The following FKBP1B variants were observed in gnomAD, a reference collection of about 807,000 sequenced individuals.
FKBP1B encodes FKBP prolyl isomerase 1B, also known as peptidyl-prolyl cis-trans isomerase FKBP1B.
In FKBP1B, 4 loss-of-function variants were observed where a neutral mutation model predicts 13.5. That is an observed-to-expected ratio of 0.30 (90% CI 0.15 to 0.68). The LOEUF is 0.68. FKBP1B is among the 30% of genes least tolerant of loss of function. The pLI is 0.76. For missense variants in FKBP1B, 93 were observed against 136.2 expected, an observed-to-expected ratio of 0.68 and a Z score of 1.58; for synonymous variants, 54 against 53.6, an observed-to-expected ratio of 1.01 and a Z score of -0.03.
chr2:24,049,973 A>G, intron 1 of FKBP1B, 87 bp downstream of exon 1: 1 of 1,049,148 alleles, frequency 9.5e-7, no homozygotes, highest in Non-Finnish European at 1.3e-6. Flanking sequence ...GGTGGCGTGG[A>G]GGGTGCTGAA....
chr2:24,049,916 G>A (rs1259230194), intron 1 of FKBP1B, 30 bp downstream of exon 1: 1 of 1,393,700 alleles, frequency 7.2e-7, no homozygotes, highest in South Asian at 1.5e-5. Flanking sequence ...GCCAGGGGAG[G>A]GGAGGGGTCC....
At chr2:24,038,772 A>G in the FKBP1B span, 1 of 1,614,216 alleles carries the variant, frequency 6.2e-7, no homozygotes, top group Middle Eastern at 1.6e-4. Context: ...CTTTACTGTT[A>G]GGTGGGATAT....
At chr2:24,042,484 C>T in the FKBP1B span, among the ~76,000 whole-genome samples, 2 of 142,840 alleles carry the variant, frequency 1.4e-5, no homozygotes, top group African/African-American at 2.7e-5. Flanking sequence ...TGCAGTGAAT[C>T]GAGATCGCAC....
chr2:24,044,337 T>C, the FKBP1B span, among the ~76,000 whole-genome samples: 2 of 152,098 alleles, frequency 1.3e-5, no homozygotes, highest in African/African-American at 2.4e-5. Flanking sequence ...TGGCATGATC[T>C]GGGCTCACTG....
chr2:24,034,574 CTTT>C, the FKBP1B span, among the ~76,000 whole-genome samples: 3 of 138,050 alleles, frequency 2.2e-5, no homozygotes, highest in Non-Finnish European at 1.5e-5. Flanking sequence ...GGCAACAAAA[CTTT>C]TTTTTTTTTT....
rs750160987 is a variant in FKBP1B, at chr2:24,063,637, G to A, written c.*445G>A. 8 of 225,270 alleles carry A rather than the reference G, an allele frequency of 3.6e-5. No homozygotes were observed. The highest frequency in any genetic ancestry group is 5.3e-5 in the Non-Finnish European group (6 of 113,248). 14.0% of individuals were successfully genotyped at this position (225,270 alleles called of 1,614,324 possible). ...TCTGTTAGCTGCTCACTTAAACAAT[G>A]TCCTCTTTGAGAAAATGTAAAATAA... is the stretch of plus-strand genomic sequence containing the variant. On this transcript the variant is annotated 3_prime_UTR_variant, in exon 4 of 4. Transcript: ENST00000380986.
At chr2:24,055,390 G>A (rs571055833) in intron 2 of FKBP1B, among the ~76,000 whole-genome samples, 2 of 151,710 alleles carry the variant, frequency 1.3e-5, no homozygotes, top group East Asian at 1.9e-4. Flanking sequence ...TTAATTTTTT[G>A]TAGAGATGAG....
chr2:24,060,488 G>T, intron 2 of FKBP1B, among the ~76,000 whole-genome samples: 1 of 152,282 alleles, frequency 6.6e-6, no homozygotes, highest in Admixed American at 6.5e-5. Flanking sequence ...GGAGATGGAG[G>T]TTGCAGTGAG....
In FKBP1B at chr2:24,050,039, G is replaced by T. The variant is rs1012869337; in HGVS notation, c.37+153G>T. Among the ~76,000 whole-genome samples, 1 of 152,006 alleles carries T rather than the reference G, an allele frequency of 6.6e-6. No homozygotes were observed. Among genetic ancestry groups the T allele is most frequent in the Non-Finnish European group, 1.5e-5 (1 of 67,948 alleles). The stretch of plus-strand genomic sequence containing the variant: ...GGAGACGCCGGACGGGATTCTTGGG[G>T]GTCTAGGAGACCATCCTCCGCCATC... On this transcript the variant is annotated intron_variant, in intron 1 of 3. Transcript: ENST00000380986. This position sits in a 1 kb window ranked among gnomAD's most constrained non-coding sequence, Gnocchi z 5.8.
At chr2:24,033,853 G>A in the FKBP1B span, among the ~76,000 whole-genome samples, 2 of 152,188 alleles carry the variant, frequency 1.3e-5, no homozygotes, top group Admixed American at 1.3e-4. Context: ...AGGTATTGGA[G>A]AGCAGCCTGG....
At position 24,049,820 on chromosome 2, in the gene FKBP1B, C is replaced by A; in HGVS notation, c.-30C>A. ...AGCCGGGGTCGGGCAGCAGCAGGGACCCCCCAGAGGCGGGGCCTGTGGGAC... is the reference window on the plus strand; with the variant it reads ...AGCCGGGGTCGGGCAGCAGCAGGGAACCCCCAGAGGCGGGGCCTGTGGGAC... On this transcript the variant is annotated 5_prime_UTR_variant, in exon 1 of 4. Transcript: ENST00000380986. The A allele has an allele frequency of 2.2e-6, 3 of 1,343,454 alleles. No homozygotes were observed. The highest frequency in any genetic ancestry group is 2.9e-6 in the Non-Finnish European group (3 of 1,045,528). The allele number at this position is 1,343,454 out of a possible 1,614,324, so 83.2% of individuals were successfully genotyped here.
upstream of FKBP1B, among the ~76,000 whole-genome samples, chr2:24,048,275 G>A (rs180896056): frequency 3.9e-5 from 6 of 152,014 alleles, no homozygotes; most frequent in East Asian, 9.7e-4. Context: ...TTCGAGACCA[G>A]CCTGGCCAAC....
chr2:24,033,278 G>C, the FKBP1B span: 1 of 456,710 alleles, frequency 2.2e-6, no homozygotes, highest in Admixed American at 2.8e-5. Flanking sequence ...CTTCTTGGCT[G>C]TTTCAGATAT....
intron 2 of FKBP1B, among the ~76,000 whole-genome samples, chr2:24,056,351 T>G (rs541624964): frequency 1.4e-5 from 2 of 142,604 alleles, no homozygotes; most frequent in Admixed American, 7.0e-5. Context: ...GGTTTTTTTG[T>G]TTTTTTTTTT....
chr2:24,045,631 G>GAGAGAGGAAGGAAGGAAGGA (rs1553318652), upstream of FKBP1B, among the ~76,000 whole-genome samples: 115 of 106,086 alleles, frequency 1.1e-3, no homozygotes, highest in African/African-American at 5.3e-3. Context: ...GAGAGAGAGA[G>GAGAGAGGAAGGAAGGAAGGA]AGGAAGGAAG....
the FKBP1B span, chr2:24,033,285 A>C: frequency 2.2e-6 from 1 of 451,964 alleles, no homozygotes; most frequent in East Asian, 6.6e-5. Context: ...GCTGTTTCAG[A>C]TATAGCTAAG....
Position 24,063,239 on chromosome 2 carries a change from T to C in FKBP1B, c.*47T>C, listed in dbSNP as rs1573702792. 1 of 1,515,796 alleles carries C rather than the reference T, an allele frequency of 6.6e-7. No individual in the cohort carries two copies. The allele number at this position is 1,515,796 out of a possible 1,614,324, so 93.9% of individuals were successfully genotyped here. A position where few individuals can be genotyped will look rare whatever the true frequency, so the allele number is the denominator to read the frequency against. ...GGCTGGAGATGGCTGCTGCTCACCC[T>C]CCTAGCCTGCTCTGCCACTGGGACG... On this transcript the variant is annotated 3_prime_UTR_variant, in exon 4 of 4. Coordinates refer to ENST00000380986, the MANE Select transcript of FKBP1B (RefSeq NM_004116.5).
chr2:24,052,637 A>G (rs1663931159), intron 1 of FKBP1B, among the ~76,000 whole-genome samples: 2 of 152,068 alleles, frequency 1.3e-5, no homozygotes, highest in Admixed American at 1.3e-4. Flanking sequence ...ATCCATAATC[A>G]TTTTGTATAT....
At chr2:24,042,139 C>T in the FKBP1B span, among the ~76,000 whole-genome samples, 5 of 151,768 alleles carry the variant, frequency 3.3e-5, no homozygotes, top group South Asian at 2.1e-4. Flanking sequence ...TGGCAGCTCA[C>T]GCCTGTAATC....
Sources: gnomAD v4.1 joint callset for allele counts (sites outside exome capture counted in the v4.1 genomes callset) on GRCh38, gnomAD v4.1.1 for gene constraint, Gnocchi (gnomAD v3.1) non-coding constraint, MANE v1.5 for transcripts, NCBI Gene and HGNC (gene_info 2026-07-23, HGNC 2026-07-21) for gene names.